PTPRS: variants seen among roughly 807,000 people sequenced by gnomAD.
PTPRS encodes receptor-type tyrosine-protein phosphatase S.
PTPRS carries 63 observed loss-of-function variants against 215.3 expected under a neutral mutation model. The ratio of observed to expected loss-of-function variants is 0.29; its 90% CI spans 0.24 to 0.36. PTPRS has a LOEUF of 0.36. Ranked by LOEUF, PTPRS falls within the 10% of genes least tolerant of loss-of-function variation. The pLI is 1.00. For synonymous variants in PTPRS, 1,404 were observed against 1,191.4 expected (o/e 1.18, Z -3.68); for missense variants, 2,258 against 2,825.8 (o/e 0.80, Z 4.56).
chr19:5,329,419 C>T lies in PTPRS; in HGVS notation c.-95+11245G>A, dbSNP rs1176893087. ...GGCTACATCGTAGCTAACAATCCAG[C>T]TACAGAATTGCAGCCCCCAGTGCAA... On this transcript the variant is annotated intron_variant, in intron 1 of 37. Coordinates refer to ENST00000262963, the MANE Select transcript of PTPRS (RefSeq NM_002850.4). 2.6e-5 allele frequency among the ~76,000 whole-genome samples: 4 copies of T among 152,206 alleles called. No homozygotes were observed. The East Asian group carries it at 7.7e-4, about 29-fold the overall frequency.
At chr19:5,328,078 A>G (rs1410950443) in intron 1 of PTPRS, among the ~76,000 whole-genome samples, 1 of 151,996 alleles carries the variant, frequency 6.6e-6, no homozygotes, top group Non-Finnish European at 1.5e-5. Flanking sequence ...TTACTCAGAG[A>G]CATCACCCTC....
intron 1 of PTPRS, among the ~76,000 whole-genome samples, chr19:5,316,207 G>A (rs950103531): frequency 6.6e-6 from 1 of 151,416 alleles, no homozygotes; most frequent in African/African-American, 2.4e-5. Context: ...ATTAGCCACT[G>A]TGAGAAAGGG....
At chr19:5,224,831 TGGACAA>T (rs2042330722) in intron 17 of PTPRS, among the ~76,000 whole-genome samples, 1 of 151,948 alleles carries the variant, frequency 6.6e-6, no homozygotes, top group Non-Finnish European at 1.5e-5. Flanking sequence ...GGGAATAGTG[TGGACAA>T]GGGCAGGGGC....
chr19:5,216,827 T>C lies in PTPRS; in HGVS notation c.4049-60A>G, dbSNP rs548572202. 4 of 1,130,992 alleles carry C rather than the reference T, an allele frequency of 3.5e-6. No homozygotes were observed. The East Asian group carries it at 7.7e-5, about 22-fold the overall frequency. The allele number at this position is 1,130,992 out of a possible 1,614,324, so 70.1% of individuals were successfully genotyped here. Reference sequence around the variant, plus strand: ...GCAGGGGGTAGGGGGGGGTCCCACCTCTGCCTCCCCCACCCCTCACTGGCT... The same window carrying C: ...GCAGGGGGTAGGGGGGGGTCCCACCCCTGCCTCCCCCACCCCTCACTGGCT... On this transcript the variant is annotated intron_variant, in intron 25 of 37. Coordinates refer to ENST00000262963, the MANE Select transcript of PTPRS (RefSeq NM_002850.4).
chr19:5,321,116 C>CA (rs2050013959), intron 1 of PTPRS, among the ~76,000 whole-genome samples: 1 of 150,708 alleles, frequency 6.6e-6, no homozygotes, highest in African/African-American at 2.4e-5. Context: ...TAAACAACAA[C>CA]AAAAAAATTA....
intron 2 of PTPRS, among the ~76,000 whole-genome samples, chr19:5,277,057 GTTTT>G (rs60512892): frequency 1.5e-5 from 2 of 133,170 alleles, no homozygotes; most frequent in Non-Finnish European, 3.1e-5. Context: ...TGAGTTTTGT[GTTTT>G]TTTTTTTTTT....
intron 12 of PTPRS, 109 bp from the exon 13 acceptor site, chr19:5,239,172 A>T: frequency 1.4e-6 from 1 of 702,138 alleles, no homozygotes; most frequent in Non-Finnish European, 2.3e-6. Context: ...GGGGAGAGAG[A>T]GAGAGAGAGA....
intron 1 of PTPRS, among the ~76,000 whole-genome samples, chr19:5,290,155 C>T (rs570985792): frequency 6.6e-6 from 1 of 152,172 alleles, no homozygotes; most frequent in South Asian, 2.1e-4. Flanking sequence ...GGGTCTCTGC[C>T]CGCCCCACCT....
At position 5,225,913 on chromosome 19, in the gene PTPRS, G is replaced by A. The variant is rs532400854; in HGVS notation, c.2377-69C>T. 1.4e-4 allele frequency: 165 copies of A among 1,199,978 alleles called. No homozygotes were observed. The Admixed American group carries it at 1.6e-3, about 12-fold the overall frequency. The allele number at this position is 1,199,978 out of a possible 1,614,324, so 74.3% of individuals were successfully genotyped here. On this transcript the variant is annotated intron_variant, in intron 16 of 37. Coordinates refer to ENST00000262963, the MANE Select transcript of PTPRS (RefSeq NM_002850.4). ...GCAGCCCCACCCACCCCCACTCCCC[G>A]TGCTGAGAACAAGCAAGGAGGATGC... is the stretch of plus-strand genomic sequence containing the variant.
intron 22 of PTPRS, 134 bp downstream of exon 22, chr19:5,219,805 A>G: frequency 9.3e-7 from 1 of 1,069,652 alleles, no homozygotes; most frequent in African/African-American, 1.6e-5. Flanking sequence ...CTCCGCTCCC[A>G]AGTCTTCCCC....
At chr19:5,322,612 G>A (rs1434355816) in intron 1 of PTPRS, among the ~76,000 whole-genome samples, 1 of 152,134 alleles carries the variant, frequency 6.6e-6, no homozygotes, top group African/African-American at 2.4e-5. Flanking sequence ...CGGGCGCGGT[G>A]CTCATGCCTG....
intron 24 of PTPRS, 34 bp downstream of exon 24, chr19:5,218,753 C>G (rs2041714113): frequency 6.2e-7 from 1 of 1,611,048 alleles, no homozygotes; most frequent in African/African-American, 1.3e-5. Context: ...CTTCCTCTTG[C>G]CTGAAGCCTC....
intron 35 of PTPRS, among the ~76,000 whole-genome samples, chr19:5,209,750 G>A (rs1210231171): frequency 6.6e-6 from 1 of 152,030 alleles, no homozygotes; most frequent in African/African-American, 2.4e-5. Context: ...CCTGTTATGC[G>A]AATGTTCTTC....
rs773301239 is a variant in PTPRS at position 5,246,054 on chromosome 19, G to T, written c.719-9C>A. On this transcript the variant is annotated splice_polypyrimidine_tract_variant and intron_variant, in intron 9 of 37. Coordinates refer to ENST00000262963, the MANE Select transcript of PTPRS (RefSeq NM_002850.4). Reference sequence around the variant, plus strand: ...CGGGGCCACGCGGCGGACTGGGGAGGGGGCGGCAGTGGCGGCGGGAGGGAG... The same window carrying T: ...CGGGGCCACGCGGCGGACTGGGGAGTGGGCGGCAGTGGCGGCGGGAGGGAG... 6.2e-6 allele frequency: 9 copies of T among 1,457,374 alleles called. No homozygotes were observed. The highest frequency in any genetic ancestry group is 8.2e-6 in the Non-Finnish European group (9 of 1,098,326). 90.3% of individuals were successfully genotyped at this position (1,457,374 alleles called of 1,614,324 possible).
chr19:5,208,259 C>T lies in PTPRS; in HGVS notation c.5620G>A (p.Gly1874Ser). ...HKTKEQFGQD[G>S]PISVHCSAGV... ...CACCTGCAGTGGACAGAGATGGGGC[C>T]GTCCTGGCCAAACTGCTCCTTAGTC... Residue 1874 changes from glycine to serine, a missense_variant, in exon 36 of 38, where the codon GGC becomes AGC. By Grantham distance (56) the Gly-to-Ser change is moderately conservative. Transcript: ENST00000262963. The T allele has an allele frequency of 6.2e-7, 1 of 1,608,320 alleles. No individual in the cohort carries two copies. Among genetic ancestry groups the T allele is most frequent in the Non-Finnish European group, 8.5e-7 (1 of 1,177,106 alleles).
At chr19:5,291,796 T>A (rs1012600087) in intron 1 of PTPRS, among the ~76,000 whole-genome samples, 1 of 151,772 alleles carries the variant, frequency 6.6e-6, no homozygotes, top group Non-Finnish European at 1.5e-5. Context: ...ATGGCTCCCA[T>A]CAACACGTAT....
chr19:5,267,640 G>C (rs1279466276), intron 4 of PTPRS, among the ~76,000 whole-genome samples: 2 of 140,104 alleles, frequency 1.4e-5, no homozygotes, highest in Admixed American at 7.4e-5. Flanking sequence ...CTGGGCGACA[G>C]AGCAAGACTG....
At chr19:5,335,906 G>T (rs1283090581) in intron 1 of PTPRS, among the ~76,000 whole-genome samples, 2 of 151,968 alleles carry the variant, frequency 1.3e-5, no homozygotes, top group Non-Finnish European at 2.9e-5. Context: ...TGATTCCGGG[G>T]AACAGAAGAG....
At chr19:5,296,155 A>G (rs1430592132) in intron 1 of PTPRS, among the ~76,000 whole-genome samples, 3 of 152,192 alleles carry the variant, frequency 2.0e-5, no homozygotes, top group Admixed American at 1.3e-4. Flanking sequence ...CCCTGCCCTC[A>G]GGGTGTGGAT....
Sources: allele counts gnomAD v4.1 joint callset (sites outside exome capture counted in the v4.1 genomes callset), GRCh38; gene constraint gnomAD v4.1.1; transcripts MANE v1.5; gene names NCBI Gene and HGNC (gene_info 2026-07-23, HGNC 2026-07-21).